The following FAM163A variants were observed in gnomAD, a reference collection of about 807,000 sequenced individuals.
FAM163A encodes protein FAM163A.
In FAM163A, 7 loss-of-function variants were observed where a neutral mutation model predicts 12.0. That is an observed-to-expected ratio of 0.58 (90% CI 0.33 to 1.10). FAM163A has a LOEUF of 1.10. Among genes scored for constraint, FAM163A ranks in the 50% least tolerant of loss-of-function variants. FAM163A has a pLI of 0.03. For missense variants in FAM163A, 202 were observed against 218.6 expected, an observed-to-expected ratio of 0.92 and a Z score of 0.48; for synonymous variants, 101 against 91.0, an observed-to-expected ratio of 1.11 and a Z score of -0.62.
At chr1:179,768,965 G>A (rs1397464750) in intron 1 of FAM163A, among the ~76,000 whole-genome samples, 1 of 151,584 alleles carries the variant, frequency 6.6e-6, no homozygotes, top group African/African-American at 2.4e-5. Flanking sequence ...CGCATTAATG[G>A]TATTGTGTTA....
At chr1:179,796,374 A>G (rs2148283787) in intron 1 of FAM163A, among the ~76,000 whole-genome samples, 1 of 152,358 alleles carries the variant, frequency 6.6e-6, no homozygotes, top group South Asian at 2.1e-4. Flanking sequence ...TCACATTTAA[A>G]GAGACTCAAA....
At chr1:179,775,049 C>A (rs943205375) in intron 1 of FAM163A, among the ~76,000 whole-genome samples, 1 of 152,198 alleles carries the variant, frequency 6.6e-6, no homozygotes. Flanking sequence ...AAAGTACACT[C>A]CACATTGTGG....
chr1:179,751,853 A>G (rs1351576689), intron 1 of FAM163A, among the ~76,000 whole-genome samples: 1 of 152,212 alleles, frequency 6.6e-6, no homozygotes, highest in Non-Finnish European at 1.5e-5. Context: ...ATAGATTGGA[A>G]GATTTAATAT....
chr1:179,730,020 G>A, the FAM163A span, among the ~76,000 whole-genome samples: 1 of 152,110 alleles, frequency 6.6e-6, no homozygotes, highest in African/African-American at 2.4e-5. Context: ...TTGGGATCTG[G>A]CCTTCCATCA....
At chr1:179,809,961 G>A (rs1694481581) in intron 2 of FAM163A, among the ~76,000 whole-genome samples, 1 of 152,170 alleles carries the variant, frequency 6.6e-6, no homozygotes, top group Non-Finnish European at 1.5e-5. Context: ...GAACAGTGAC[G>A]CTCAAGTCTG....
chr1:179,782,817 C>T (rs1322545434), intron 1 of FAM163A, among the ~76,000 whole-genome samples: 1 of 152,212 alleles, frequency 6.6e-6, no homozygotes, highest in East Asian at 1.9e-4. Context: ...CTCTTAGAGG[C>T]AATGTCAGCA....
intron 1 of FAM163A, among the ~76,000 whole-genome samples, chr1:179,748,648 T>G (rs567927767): frequency 1.3e-5 from 2 of 152,310 alleles, no homozygotes; most frequent in South Asian, 4.1e-4. Context: ...GCAAGTGACA[T>G]GCTGTCAGGT....
At chr1:179,730,631 G>T in the FAM163A span, among the ~76,000 whole-genome samples, 1 of 152,190 alleles carries the variant, frequency 6.6e-6, no homozygotes, top group South Asian at 2.1e-4. Context: ...GCTCAGCTAT[G>T]CAAGTTATTG....
At chr1:179,781,817 C>G (rs1689780523) in intron 1 of FAM163A, among the ~76,000 whole-genome samples, 2 of 151,918 alleles carry the variant, frequency 1.3e-5, no homozygotes, top group African/African-American at 4.8e-5. Flanking sequence ...GACTGTAATC[C>G]CAGCTACTCG....
At chr1:179,761,893 T>C (rs1336256033) in intron 1 of FAM163A, among the ~76,000 whole-genome samples, 2 of 152,194 alleles carry the variant, frequency 1.3e-5, no homozygotes, top group African/African-American at 2.4e-5. Flanking sequence ...TCACAGCAGT[T>C]CTGGGAGGAA....
At chr1:179,804,434 T>C (rs939064580) in intron 1 of FAM163A, among the ~76,000 whole-genome samples, 1 of 152,220 alleles carries the variant, frequency 6.6e-6, no homozygotes, top group Non-Finnish European at 1.5e-5. Flanking sequence ...ATTTGTCCTG[T>C]TTGAACTTGG....
chr1:179,796,656 A>G (rs1329458702), intron 1 of FAM163A, among the ~76,000 whole-genome samples: 1 of 151,886 alleles, frequency 6.6e-6, no homozygotes, highest in Non-Finnish European at 1.5e-5. Flanking sequence ...CAGGTTGGCT[A>G]CTCTGACCTT....
chr1:179,761,589 G>C (rs1686823384), intron 1 of FAM163A, among the ~76,000 whole-genome samples: 3 of 152,190 alleles, frequency 2.0e-5, no homozygotes, highest in Non-Finnish European at 2.9e-5. Flanking sequence ...GAAGCTCCAA[G>C]AGCTTCCCAG....
chr1:179,747,995 G>C (rs956750320), intron 1 of FAM163A, among the ~76,000 whole-genome samples: 11 of 152,060 alleles, frequency 7.2e-5, no homozygotes, highest in Non-Finnish European at 1.5e-4. Flanking sequence ...GAGGAGGGCA[G>C]CTTCTCATTG....
intron 1 of FAM163A, among the ~76,000 whole-genome samples, chr1:179,750,218 G>A (rs1346073959): frequency 1.3e-5 from 2 of 152,166 alleles, no homozygotes; most frequent in African/African-American, 4.8e-5. Context: ...GAATGTCACT[G>A]GAGATACAAT....
chr1:179,750,327 G>A (rs1264744949), intron 1 of FAM163A, among the ~76,000 whole-genome samples: 1 of 152,160 alleles, frequency 6.6e-6, no homozygotes, highest in East Asian at 1.9e-4. Flanking sequence ...CAAATATAAA[G>A]TAACACTGTG....
At chr1:179,740,165 T>C (rs865945159), upstream of FAM163A, among the ~76,000 whole-genome samples, 3 of 127,780 alleles carry the variant, frequency 2.3e-5, no homozygotes, top group Non-Finnish European at 4.8e-5. Flanking sequence ...GGCAACTTTA[T>C]TTGGTTTTTG....
At chr1:179,774,726 T>A (rs1347517922) in intron 1 of FAM163A, among the ~76,000 whole-genome samples, 7 of 152,128 alleles carry the variant, frequency 4.6e-5, no homozygotes, top group Non-Finnish European at 8.8e-5. Context: ...CATCTTTCAG[T>A]CCAGGCAGAA....
chr1:179,753,512 G>A (rs901473659), intron 1 of FAM163A, among the ~76,000 whole-genome samples: 1 of 152,168 alleles, frequency 6.6e-6, no homozygotes, highest in East Asian at 1.9e-4. Context: ...ATAGATGAAA[G>A]GAAGGTTAAT....
Sources: allele counts gnomAD v4.1 joint callset (sites outside exome capture counted in the v4.1 genomes callset), GRCh38; gene constraint gnomAD v4.1.1; transcripts MANE v1.5; gene names NCBI Gene and HGNC (gene_info 2026-07-23, HGNC 2026-07-21).